PER3: variants seen among roughly 807,000 people sequenced by gnomAD.
The protein encoded by PER3 is period circadian protein homolog 3.
A neutral mutation model predicts 127.2 loss-of-function variants in PER3; 107 were observed. The observed-to-expected ratio is 0.84, with a 90% CI of 0.72 to 0.99. PER3 has a LOEUF of 0.99. Among genes scored for constraint, PER3 ranks in the 50% least tolerant of loss-of-function variants. PER3 has a pLI of 0.00. For missense variants in PER3, 1,560 were observed against 1,525.8 expected (o/e 1.02, Z -0.37); for synonymous variants, 618 against 585.8 (o/e 1.05, Z -0.79).
chr1:7,804,197 A>T (rs1248393253), intron 10 of PER3, among the ~76,000 whole-genome samples: 1 of 152,188 alleles, frequency 6.6e-6, no homozygotes, highest in Non-Finnish European at 1.5e-5. Context: ...ACCTATGATT[A>T]TAATTATGTT....
At chr1:7,818,792 G>A (rs906887754) in intron 13 of PER3, among the ~76,000 whole-genome samples, 4 of 152,212 alleles carry the variant, frequency 2.6e-5, no homozygotes, top group Admixed American at 6.5e-5. Context: ...TATAATACTA[G>A]TCAGCACAAA....
rs756657299 is a variant in PER3, at chr1:7,786,823, C to A, written c.377C>A (p.Thr126Asn). 1.9e-6 allele frequency: 3 copies of A among 1,588,688 alleles called. No individual in the cohort carries two copies. Among genetic ancestry groups the A allele is most frequent in the Non-Finnish European group, 2.6e-6 (3 of 1,156,840 alleles). The change falls in exon 4 of 22, where the codon ACT becomes AAT. Residue 126 changes from threonine to asparagine, a missense_variant. By Grantham distance (65) the Thr-to-Asn change is moderately conservative (BLOSUM62 0). This residue lies in a region of PER3 where 1,332 missense variants were observed against 1,223.6 expected (regional missense o/e 1.09). Coordinates refer to ENST00000377532, the MANE Select transcript of PER3 (RefSeq NM_001377275.1). ...CTGGCCACTATCGCTTCAGAACACA[C>A]TTCCAAAAACACAGTAAGAATTCAT... ...EELATIASEH[T>N]SKNTDTFVAV... is the part of the protein sequence containing the mutation.
intron 5 of PER3, among the ~76,000 whole-genome samples, chr1:7,789,914 T>C (rs2097111106): frequency 6.6e-6 from 1 of 152,208 alleles, no homozygotes; most frequent in Admixed American, 6.5e-5. Context: ...CTCATCCCCT[T>C]TCCTAAATAC....
chr1:7,810,284 C>A, intron 12 of PER3, 154 bp from the exon 13 acceptor site: 3 of 645,218 alleles, frequency 4.6e-6, no homozygotes, highest in East Asian at 5.6e-5. Flanking sequence ...TACCAGTATA[C>A]TGTGGCATGG....
chr1:7,823,803 T>C (rs1009250104), intron 16 of PER3, among the ~76,000 whole-genome samples: 5 of 152,310 alleles, frequency 3.3e-5, no homozygotes, highest in Middle Eastern at 3.4e-3. Flanking sequence ...CTTGATCTAA[T>C]TGACACTTAG....
intron 21 of PER3, among the ~76,000 whole-genome samples, chr1:7,841,676 T>G (rs1181173962): frequency 6.6e-6 from 1 of 152,166 alleles, no homozygotes; most frequent in Admixed American, 6.5e-5. Context: ...TACTCTGCCA[T>G]CTTCCCAGAA....
Position 7,827,566 on chromosome 1 carries a change from G to T in PER3, c.2637G>T (p.Leu879=). 6.2e-7 allele frequency: 1 copy of T among 1,614,096 alleles called. No individual in the cohort carries two copies. Among genetic ancestry groups the T allele is most frequent in the Non-Finnish European group, 8.5e-7 (1 of 1,179,980 alleles). ...LSPSFLPCPF[L]GATASSAISP... is the part of the protein sequence containing the mutation. Reference sequence around the variant, plus strand: ...CATCGTTTTTGCCATGTCCATTCCTGGGGGCGACAGCCTCTTCTGCGATAT... The same window carrying T: ...CATCGTTTTTGCCATGTCCATTCCTTGGGGCGACAGCCTCTTCTGCGATAT... The change falls in exon 18 of 22, where the codon CTG becomes CTT. Residue 879 remains leucine, a synonymous_variant. Transcript: ENST00000377532.
intron 2 of PER3, 75 bp from the exon 3 acceptor site, chr1:7,785,366 G>T: frequency 8.6e-7 from 1 of 1,169,350 alleles, no homozygotes; most frequent in Non-Finnish European, 1.3e-6. Context: ...TACCTGGCTT[G>T]CAGTTTGTGT....
intron 19 of PER3, among the ~76,000 whole-genome samples, chr1:7,831,402 A>G (rs1031916489): frequency 1.3e-5 from 2 of 152,050 alleles, no homozygotes; most frequent in African/African-American, 4.8e-5. Context: ...CTGCAAATAT[A>G]ATTTTACTTC....
At position 7,797,636 on chromosome 1, in the gene PER3, TAAAAAAAAA is replaced by T. The variant is rs34920317; in HGVS notation, c.645-881_645-873del. 1.3e-4 allele frequency among the ~76,000 whole-genome samples: 16 copies of T among 126,686 alleles called. No homozygotes were observed. The East Asian group carries it at 2.0e-3, about 16-fold the overall frequency. 83.1% of individuals were successfully genotyped at this position (126,686 alleles called of 152,430 possible). A position where few individuals can be genotyped will look rare whatever the true frequency, so the allele number is the denominator to read the frequency against. Reference sequence around the variant, plus strand: ...GGGCAACAGAGCGAGACTCCGTCTTTAAAAAAAAAAAAAAAAGAAAAAAAAGTGAGGTGG... The same window carrying T: ...GGGCAACAGAGCGAGACTCCGTCTTTAAAAAAAGAAAAAAAAGTGAGGTGG... On this transcript the variant is annotated intron_variant, in intron 6 of 21. Transcript: ENST00000377532.
rs768315671 is a variant in PER3 at position 7,827,212 on chromosome 1, G to A, written c.2283G>A (p.Ser761=). The change falls in exon 18 of 22, where the codon TCG becomes TCA. Residue 761 remains serine, a synonymous_variant. Coordinates refer to ENST00000377532, the MANE Select transcript of PER3 (RefSeq NM_001377275.1). ...CGGAGCCGCCAGACAGCAGCAGCTC[G>A]AACACCGGCTCTGGTCCCCGCAGGG... ...KLPEPPDSSS[S]NTGSGPRRGA... 18 of 1,613,888 alleles carry A rather than the reference G, an allele frequency of 1.1e-5. 3 individuals are homozygous for A. In the South Asian group the frequency reaches 1.9e-4, roughly 17 times the overall value.
rs1450521859 is a variant in PER3, at chr1:7,838,021, C to G, written c.3549+872C>G. 2.0e-5 allele frequency among the ~76,000 whole-genome samples: 3 copies of G among 152,170 alleles called. No homozygotes were observed. The East Asian group carries it at 5.8e-4, about 29-fold the overall frequency. Reference sequence around the variant, plus strand: ...TTGAGGCTACAGTGAGCTATGATCTCGCCAGTGCATTCCAGCCAGTCTCAA... The same window carrying G: ...TTGAGGCTACAGTGAGCTATGATCTGGCCAGTGCATTCCAGCCAGTCTCAA... On this transcript the variant is annotated intron_variant, in intron 21 of 21. Coordinates refer to ENST00000377532, the MANE Select transcript of PER3 (RefSeq NM_001377275.1).
At chr1:7,836,440 A>T (rs537267288) in intron 20 of PER3, among the ~76,000 whole-genome samples, 1 of 152,152 alleles carries the variant, frequency 6.6e-6, no homozygotes, top group Admixed American at 6.5e-5. Flanking sequence ...CGGCCTCCCA[A>T]AGTGCTGGGA....
Position 7,826,796 on chromosome 1 carries a change from A to ATAG in PER3, c.2188+87_2188+89dup, listed in dbSNP as rs2151131337. ...AGGACTAGGAGATAAGGAGTGAACAATAGGAGTTTTACTTGTAAGAAACTG... is the reference window on the plus strand; with the variant it reads ...AGGACTAGGAGATAAGGAGTGAACAATAGTAGGAGTTTTACTTGTAAGAAACTG... On this transcript the variant is annotated intron_variant, in intron 17 of 21. Coordinates refer to ENST00000377532, the MANE Select transcript of PER3 (RefSeq NM_001377275.1). This position sits in a 1 kb window ranked among gnomAD's most constrained non-coding sequence, Gnocchi z 4.2. The ATAG allele has an allele frequency of 2.5e-6, 2 of 791,338 alleles. No homozygotes were observed. The allele number at this position is 791,338 out of a possible 1,614,324, so 49.0% of individuals were successfully genotyped here.
Position 7,785,007 on chromosome 1 carries a change from T to G in PER3, c.128+2T>G. ...GAAATTGGCGGACAGCAGCCACAGG[T>G]GACGCGCTGGCTTCAGGCCGAGGGC... On this transcript the variant is annotated splice_donor_variant, in intron 2 of 21. Coordinates refer to ENST00000377532, the MANE Select transcript of PER3 (RefSeq NM_001377275.1). LOFTEE classifies it high-confidence loss of function. 1 of 1,572,628 alleles carries G rather than the reference T, an allele frequency of 6.4e-7. No individual in the cohort carries two copies. The highest frequency in any genetic ancestry group is 8.6e-7 in the Non-Finnish European group (1 of 1,165,814).
intron 20 of PER3, among the ~76,000 whole-genome samples, chr1:7,836,147 A>C (rs1470089415): frequency 6.6e-6 from 1 of 151,872 alleles, no homozygotes; most frequent in Non-Finnish European, 1.5e-5. Flanking sequence ...ATAGATGTGC[A>C]CCACCATGCG....
At chr1:7,816,678 G>A (rs1412304127) in intron 13 of PER3, among the ~76,000 whole-genome samples, 1 of 152,202 alleles carries the variant, frequency 6.6e-6, no homozygotes, top group Non-Finnish European at 1.5e-5. Flanking sequence ...ACTGACAAGT[G>A]TTGACAAGGA....
chr1:7,825,386 C>T (rs1208465246), intron 16 of PER3, among the ~76,000 whole-genome samples: 3 of 152,188 alleles, frequency 2.0e-5, no homozygotes, highest in Admixed American at 1.3e-4. Context: ...AATCCATCCA[C>T]AGGTGTTCAC....
rs762269586 is a variant in PER3 at position 7,826,495 on chromosome 1, T to A, written c.1973T>A (p.Leu658His). ...PPPETARDAT[L>H]FCEPWTLNMQ... ...TCCACCTCAGCCAGGGATGCTACCC[T>A]CTTCTGTGAGCCCTGGACCCTGAAC... The change falls in exon 17 of 22, where the codon CTC (leucine) becomes CAC (histidine). Residue 658 changes from leucine to histidine, a missense_variant. Leu to His is a moderately conservative substitution (Grantham distance 99). Around this residue, in one of 3 missense-constraint regions of PER3, gnomAD observed 1,332 missense variants for 1,223.6 expected, o/e 1.09. Coordinates refer to ENST00000377532, the MANE Select transcript of PER3 (RefSeq NM_001377275.1). This position sits in a 1 kb window ranked among gnomAD's most constrained non-coding sequence, Gnocchi z 4.2. 3.1e-6 allele frequency: 5 copies of A among 1,609,480 alleles called. No homozygotes were observed. The African/African-American group carries it at 6.7e-5, about 22-fold the overall frequency.
Sources: gnomAD v4.1 joint callset for allele counts (sites outside exome capture counted in the v4.1 genomes callset) on GRCh38, gnomAD v4.1.1 for gene constraint, gnomAD v4.1.1 regional missense constraint, Gnocchi (gnomAD v3.1) non-coding constraint, MANE v1.5 for transcripts, NCBI Gene and HGNC (gene_info 2026-07-23, HGNC 2026-07-21) for gene names.